The following IMMP2L variants were observed in gnomAD, a reference collection of about 807,000 sequenced individuals.
IMMP2L encodes inner mitochondrial membrane peptidase subunit 2.
Under a neutral mutation model 19.3 loss-of-function variants are expected in IMMP2L, and 18 were observed. The observed-to-expected ratio is 0.93, with a 90% confidence interval of 0.64 to 1.38. The LOEUF (loss-of-function observed/expected upper bound fraction) is 1.38, where lower values mean the gene tolerates loss of function less well. IMMP2L is among the 40% of genes most tolerant of loss of function. The pLI is 0.00. For synonymous variants in IMMP2L, 76 were observed against 73.0 expected (o/e 1.04, Z -0.21); for missense variants, 233 against 218.2 (o/e 1.07, Z -0.43).
chr7:111,132,841 T>C (rs962032941), intron 3 of IMMP2L, among the ~76,000 whole-genome samples: 4 of 151,994 alleles, frequency 2.6e-5, no homozygotes, highest in African/African-American at 9.7e-5. Flanking sequence ...AGAAAGAAGG[T>C]GGTTCTTTAA....
At chr7:110,956,700 T>C (rs1037464037) in intron 4 of IMMP2L, among the ~76,000 whole-genome samples, 1 of 151,934 alleles carries the variant, frequency 6.6e-6, no homozygotes, top group African/African-American at 2.4e-5. Context: ...CCTTACTTCA[T>C]TGAGGTTGCT....
intron 3 of IMMP2L, among the ~76,000 whole-genome samples, chr7:111,270,388 T>C (rs1026053819): frequency 6.6e-6 from 1 of 152,124 alleles, no homozygotes; most frequent in African/African-American, 2.4e-5. Context: ...TTCTTGAACA[T>C]AGTGACAGAA....
At chr7:111,446,446 C>T (rs1267459336) in intron 3 of IMMP2L, among the ~76,000 whole-genome samples, 1 of 149,690 alleles carries the variant, frequency 6.7e-6, no homozygotes, top group Non-Finnish European at 1.5e-5. Context: ...AGCAGGGGCA[C>T]ACTGACACCT....
chr7:110,979,541 T>G (rs1821034867), intron 3 of IMMP2L, among the ~76,000 whole-genome samples: 1 of 152,130 alleles, frequency 6.6e-6, no homozygotes, highest in African/African-American at 2.4e-5. Flanking sequence ...TTATCACAAT[T>G]ATCTAAAGAA....
intron 3 of IMMP2L, among the ~76,000 whole-genome samples, chr7:111,312,129 C>T (rs562518052): frequency 6.8e-4 from 104 of 152,162 alleles, no homozygotes; most frequent in South Asian, 6.2e-4. Flanking sequence ...TCATGCAAGA[C>T]TGAAGTCACT....
intron 3 of IMMP2L, among the ~76,000 whole-genome samples, chr7:111,265,182 A>C (rs1444268351): frequency 6.6e-6 from 1 of 152,344 alleles, no homozygotes; most frequent in East Asian, 1.9e-4. Context: ...TTCAGCTGAC[A>C]GCCAGCTGCC....
intron 5 of IMMP2L, 23 bp downstream of exon 5, chr7:110,886,570 C>G (rs757693060): frequency 6.1e-6 from 8 of 1,315,324 alleles, no homozygotes; most frequent in Admixed American, 1.7e-5. Flanking sequence ...ATTACATCAA[C>G]AAGAAGATAA....
chr7:110,900,423 C>T lies in IMMP2L; in HGVS notation c.306-13728G>A, dbSNP rs570467391. On this transcript the variant is annotated intron_variant, in intron 4 of 5. Coordinates refer to ENST00000405709, the MANE Select transcript of IMMP2L (RefSeq NM_032549.4). ...ACAATCTCGCTCCTTTCCTCCTTAG[C>T]GTCCATGCTGGTCCAAGCCACCAAC... 3.3e-5 allele frequency among the ~76,000 whole-genome samples: 5 copies of T among 152,284 alleles called. No homozygotes were observed. The South Asian group carries it at 8.3e-4, about 25-fold the overall frequency.
intron 3 of IMMP2L, among the ~76,000 whole-genome samples, chr7:111,094,788 G>C (rs935977365): frequency 2.6e-5 from 4 of 152,072 alleles, no homozygotes; most frequent in African/African-American, 7.2e-5. Context: ...TAGCCACAAT[G>C]TGAAAGGAAA....
chr7:111,201,279 CAA>C (rs564280464), intron 3 of IMMP2L, among the ~76,000 whole-genome samples: 15 of 134,278 alleles, frequency 1.1e-4, no homozygotes, highest in Admixed American at 1.1e-3. Context: ...GTATCAAATC[CAA>C]AAAAAAAAAA....
At chr7:111,322,075 A>G (rs1272759912) in intron 3 of IMMP2L, among the ~76,000 whole-genome samples, 1 of 151,988 alleles carries the variant, frequency 6.6e-6, no homozygotes, top group African/African-American at 2.4e-5. Flanking sequence ...TTGAACTTTT[A>G]TAATTTCTGC....
chr7:111,378,676 T>C (rs1361231755), intron 3 of IMMP2L, among the ~76,000 whole-genome samples: 1 of 151,968 alleles, frequency 6.6e-6, no homozygotes, highest in South Asian at 2.1e-4. Context: ...AGAGTGTTTA[T>C]AATATCCAAT....
Position 111,385,001 on chromosome 7 carries a change from G to A in IMMP2L, c.239+102237C>T, listed in dbSNP as rs1831590573. Among the ~76,000 whole-genome samples, 3 of 152,112 alleles carry A rather than the reference G, an allele frequency of 2.0e-5. No homozygotes were observed. In the South Asian group the frequency reaches 6.2e-4, roughly 32 times the overall value. On this transcript the variant is annotated intron_variant, in intron 3 of 5. Transcript: ENST00000405709. ...TAGAAAAATTAGGTGGGTTCTGTAA[G>A]GCCTTATTCATCAACCAATAATGAA...
At chr7:111,277,310 C>T (rs997473822) in intron 3 of IMMP2L, among the ~76,000 whole-genome samples, 1 of 151,706 alleles carries the variant, frequency 6.6e-6, no homozygotes, top group Non-Finnish European at 1.5e-5. Context: ...TTCCAAAAGA[C>T]GTACAAGCAG....
At chr7:111,030,389 C>T (rs1827286765) in intron 3 of IMMP2L, among the ~76,000 whole-genome samples, 1 of 152,050 alleles carries the variant, frequency 6.6e-6, no homozygotes, top group African/African-American at 2.4e-5. Context: ...AATGTGAAAA[C>T]ATATGATCTC....
intron 3 of IMMP2L, among the ~76,000 whole-genome samples, chr7:111,317,540 A>G (rs899423858): frequency 2.0e-5 from 3 of 152,134 alleles, no homozygotes; most frequent in Non-Finnish European, 4.4e-5. Context: ...TCAGAGACAG[A>G]AAAAAACTAG....
chr7:111,540,334 C>T lies in IMMP2L; in HGVS notation c.-2-18885G>A, dbSNP rs531276397. Among the ~76,000 whole-genome samples, 3 of 152,252 alleles carry T rather than the reference C, an allele frequency of 2.0e-5. No homozygotes were observed. The East Asian group carries it at 5.8e-4, about 29-fold the overall frequency. Reference sequence around the variant, plus strand: ...ATAAGCAAAAATGGGCTTCTTCCAACAGAAACCTCCTGCCAACCTGTGCAC... The same window carrying T: ...ATAAGCAAAAATGGGCTTCTTCCAATAGAAACCTCCTGCCAACCTGTGCAC... On this transcript the variant is annotated intron_variant, in intron 1 of 5. Coordinates refer to ENST00000405709, the MANE Select transcript of IMMP2L (RefSeq NM_032549.4).
At chr7:110,984,873 C>T (rs1267171292) in intron 3 of IMMP2L, among the ~76,000 whole-genome samples, 25 of 151,952 alleles carry the variant, frequency 1.6e-4, no homozygotes, top group Non-Finnish European at 5.9e-5. Context: ...GCTTTCATAG[C>T]AAAGGGAAAT....
intron 5 of IMMP2L, among the ~76,000 whole-genome samples, chr7:110,862,835 G>GT (rs1323689083): frequency 6.6e-6 from 1 of 151,892 alleles, no homozygotes; most frequent in Non-Finnish European, 1.5e-5. Flanking sequence ...TCTTTCTCTA[G>GT]AACAAAGAGC....
Sources: allele counts gnomAD v4.1 joint callset (sites outside exome capture counted in the v4.1 genomes callset), GRCh38; gene constraint gnomAD v4.1.1; transcripts MANE v1.5; gene names NCBI Gene and HGNC (gene_info 2026-07-23, HGNC 2026-07-21).